Variants in SEPTIN11 observed in about 807,000 individuals in gnomAD.
SEPTIN11 encodes the protein septin 11, also known as septin-11.
Under a neutral mutation model 51.4 loss-of-function variants are expected in SEPTIN11, and 25 were observed. That is an observed-to-expected ratio of 0.49 (90% confidence interval 0.35 to 0.68). The LOEUF is 0.68. Ranked by LOEUF, SEPTIN11 falls within the 30% of genes least tolerant of loss-of-function variation. The pLI, the probability that SEPTIN11 is intolerant of heterozygous loss-of-function variation, is 0.00. For synonymous variants in SEPTIN11, 174 were observed against 184.1 expected (o/e 0.95, Z 0.44); for missense variants, 381 against 520.8 (o/e 0.73, Z 2.61).
chr4:77,036,850 G>A lies in SEPTIN11; in HGVS notation c.*2338G>A, dbSNP rs1005062472. 1.6e-5 allele frequency: 24 copies of A among 1,469,218 alleles called. No individual in the cohort carries two copies. Among genetic ancestry groups the A allele is most frequent in the Non-Finnish European group, 5.4e-6 (6 of 1,120,216 alleles). 91.0% of individuals were successfully genotyped at this position (1,469,218 alleles called of 1,614,324 possible). A position where few individuals can be genotyped will look rare whatever the true frequency, so the allele number is the denominator to read the frequency against. ...TTCGCCTTTGCATGTAAGTACGGTA[G>A]TAAGAAACCTTTGAGATCTTTCTGA... On this transcript the variant is annotated 3_prime_UTR_variant, in exon 10 of 10. Coordinates refer to ENST00000264893, the MANE Select transcript of SEPTIN11 (RefSeq NM_018243.4).
At chr4:76,981,208 G>A (rs1050743891) in intron 1 of SEPTIN11, among the ~76,000 whole-genome samples, 1 of 152,136 alleles carries the variant, frequency 6.6e-6, no homozygotes, top group African/African-American at 2.4e-5. Context: ...TTTTCCCTGT[G>A]TTCTACTTGG....
At chr4:76,964,008 G>A (rs553646238) in intron 1 of SEPTIN11, among the ~76,000 whole-genome samples, 2 of 151,970 alleles carry the variant, frequency 1.3e-5, no homozygotes, top group Admixed American at 6.6e-5. Context: ...CTGTGTCCAA[G>A]TGTTCTCATT....
rs17002321 is a variant in SEPTIN11 at position 76,997,784 on chromosome 4, A to G, written c.142+1245A>G. Among the ~76,000 whole-genome samples the G allele has an allele frequency of 6.9e-3, 1,048 of 152,318 alleles. 5 individuals carry two copies. Among genetic ancestry groups the G allele is most frequent in the Middle Eastern group, 0.014 (4 of 294 alleles). ...TAAATGCTCATTGCAGAGCAGGGCA[A>G]TTCTTCATTAGCATAGCAATTTGTT... On this transcript the variant is annotated intron_variant, in intron 2 of 9. Coordinates refer to ENST00000264893, the MANE Select transcript of SEPTIN11 (RefSeq NM_018243.4).
rs749473915 is a variant in SEPTIN11, at chr4:77,020,579, C to G, written c.862C>G (p.Gln288Glu). The G allele has an allele frequency of 6.2e-7, 1 of 1,613,756 alleles. No individual in the cohort carries two copies. Among genetic ancestry groups the G allele is most frequent in the Admixed American group, 1.7e-5 (1 of 59,980 alleles). Residue 288 changes from glutamine to glutamate, a missense_variant, in exon 7 of 10, where the codon CAG becomes GAG. Gln to Glu is a conservative substitution (Grantham distance 29). Coordinates refer to ENST00000264893, the MANE Select transcript of SEPTIN11 (RefSeq NM_018243.4). ...IRVNMEDLRE[Q>E]THTRHYELYR... is the part of the protein sequence containing the mutation. ...CGTGAACATGGAGGACTTGCGAGAG[C>G]AGACTCACACCCGCCACTATGAATT...
At chr4:77,006,820 A>G (rs908919711) in intron 3 of SEPTIN11, among the ~76,000 whole-genome samples, 1 of 152,190 alleles carries the variant, frequency 6.6e-6, no homozygotes, top group Non-Finnish European at 1.5e-5. Flanking sequence ...AAATGCCTAG[A>G]TATATTTTAT....
Position 77,005,732 on chromosome 4 carries a change from G to C in SEPTIN11, c.274G>C (p.Val92Leu). ...AAGTTATGAGCTTCAGGAAAGCAATGTACGGCTGAAGTTAACCATTGTTGA... is the reference window on the plus strand; with the variant it reads ...AAGTTATGAGCTTCAGGAAAGCAATCTACGGCTGAAGTTAACCATTGTTGA... ...ARSYELQESNVRLKLTIVDTV... is the reference protein window; with the variant it reads ...ARSYELQESNLRLKLTIVDTV... Residue 92 changes from valine (V) to leucine (L), a missense_variant, in exon 3 of 10, where the codon GTA becomes CTA. Physicochemically the swap from Val to Leu is conservative, Grantham distance 32 (BLOSUM62 1). Around this residue, in one of 2 missense-constraint regions of SEPTIN11, gnomAD observed 184 missense variants for 207.7 expected, o/e 0.89. Coordinates refer to ENST00000264893, the MANE Select transcript of SEPTIN11 (RefSeq NM_018243.4). 6.2e-7 allele frequency: 1 copy of C among 1,614,062 alleles called. No homozygotes were observed. Among genetic ancestry groups the C allele is most frequent in the Non-Finnish European group, 8.5e-7 (1 of 1,179,948 alleles).
intron 6 of SEPTIN11, 34 bp downstream of exon 6, chr4:77,019,295 A>G (rs1049959415): frequency 6.5e-7 from 1 of 1,535,332 alleles, no homozygotes; most frequent in Non-Finnish European, 8.9e-7. Flanking sequence ...GAGTCTTCAT[A>G]TTTAGCCCCT....
At position 77,015,017 on chromosome 4, in the gene SEPTIN11, T is replaced by A; in HGVS notation, c.687T>A (p.Ser229Arg). 2 of 1,612,240 alleles carry A rather than the reference T, an allele frequency of 1.2e-6. No individual in the cohort carries two copies. The highest frequency in any genetic ancestry group is 1.7e-6 in the Non-Finnish European group (2 of 1,179,384). The change falls in exon 5 of 10, where the codon AGT (serine) becomes AGA (arginine). Residue 229 changes from serine (S) to arginine (R), a missense_variant and splice_region_variant. Physicochemically the swap from Ser to Arg is moderately radical, Grantham distance 110. Transcript: ENST00000264893. ...ETVAEINATM[S>R]VHLPFAVVGS... ...TGGCAGAGATTAACGCAACAATGAG[T>A]GTAAGTCCTCAAGTCAAATGGGAAC...
In SEPTIN11 at chr4:76,973,997, C is replaced by T. The variant is rs187093658; in HGVS notation, c.28-22428C>T. Among the ~76,000 whole-genome samples the T allele has an allele frequency of 1.6e-3, 240 of 152,228 alleles. 5 individuals carry two copies. In the South Asian group the frequency reaches 0.032, roughly 20 times the overall value. On this transcript the variant is annotated intron_variant, in intron 1 of 9. Transcript: ENST00000264893. ...TGATTTGATACCACTTTTACCTCTC[C>T]TCATAAATCAAGGCATTTTGTGGTC... is the stretch of plus-strand genomic sequence containing the variant.
intron 1 of SEPTIN11, among the ~76,000 whole-genome samples, chr4:76,966,280 G>C (rs1188765413): frequency 3.9e-5 from 6 of 152,208 alleles, no homozygotes; most frequent in Admixed American, 3.9e-4. Context: ...CACTTGACAA[G>C]AGACAGTTGA....
chr4:76,975,717 C>G (rs1022303041), intron 1 of SEPTIN11, among the ~76,000 whole-genome samples: 4 of 152,102 alleles, frequency 2.6e-5, no homozygotes, highest in Non-Finnish European at 4.4e-5. Context: ...CTTATATACC[C>G]CTAAAAGGTT....
chr4:76,991,834 AT>A (rs1422559290), intron 1 of SEPTIN11, among the ~76,000 whole-genome samples: 2 of 152,262 alleles, frequency 1.3e-5, no homozygotes, highest in African/African-American at 4.8e-5. Flanking sequence ...TCAATGAATT[AT>A]AAAAATAACT....
At chr4:76,998,275 A>G (rs1351076125) in intron 2 of SEPTIN11, among the ~76,000 whole-genome samples, 1 of 152,086 alleles carries the variant, frequency 6.6e-6, no homozygotes, top group African/African-American at 2.4e-5. Flanking sequence ...CTTCCCTTTC[A>G]TCTCCCACCC....
At chr4:77,039,811 TTTATTTGACTTTTTC>T, downstream of SEPTIN11, 13 of 883,526 alleles carry the variant, frequency 1.5e-5, no homozygotes, top group Non-Finnish European at 1.8e-5. Flanking sequence ...CCACTGTTGT[TTTATTTGACTTTTTC>T]TGTTACTTGC....
chr4:76,964,047 T>C (rs1258231037), intron 1 of SEPTIN11, among the ~76,000 whole-genome samples: 1 of 151,994 alleles, frequency 6.6e-6, no homozygotes, highest in East Asian at 1.9e-4. Flanking sequence ...AGTGAGAACA[T>C]GTGGTGTTTG....
chr4:76,990,161 C>T (rs1044164363), intron 1 of SEPTIN11, among the ~76,000 whole-genome samples: 10 of 152,146 alleles, frequency 6.6e-5, no homozygotes, highest in African/African-American at 9.7e-5. Context: ...ATCCTCCCCG[C>T]GATTGGCTAC....
intron 1 of SEPTIN11, chr4:76,995,875 A>G: frequency 6.5e-7 from 1 of 1,535,648 alleles, no homozygotes; most frequent in Non-Finnish European, 8.7e-7. Flanking sequence ...AGAAACCTGT[A>G]AAACTAATGG....
At chr4:77,012,551 A>G (rs1025989162) in intron 4 of SEPTIN11, among the ~76,000 whole-genome samples, 2 of 152,274 alleles carry the variant, frequency 1.3e-5, no homozygotes, top group Admixed American at 1.3e-4. Context: ...AATGGCAACA[A>G]GAACAACCAC....
intron 1 of SEPTIN11, among the ~76,000 whole-genome samples, chr4:76,956,713 A>G (rs1350994403): frequency 6.6e-6 from 1 of 152,186 alleles, no homozygotes; most frequent in Non-Finnish European, 1.5e-5. Context: ...GTAAATGGTC[A>G]TTCCTAAATT....
Sources: allele counts gnomAD v4.1 joint callset (sites outside exome capture counted in the v4.1 genomes callset), GRCh38; gene constraint gnomAD v4.1.1; regional missense constraint gnomAD v4.1.1; transcripts MANE v1.5; gene names NCBI Gene and HGNC (gene_info 2026-07-23, HGNC 2026-07-21).